The following PDGFRA variants were observed in gnomAD, a reference collection of about 807,000 sequenced individuals.
PDGFRA encodes the protein platelet derived growth factor receptor alpha.
In PDGFRA, 25 loss-of-function variants were observed where a neutral mutation model predicts 121.5. The ratio of observed to expected loss-of-function variants is 0.21; its 90% CI spans 0.15 to 0.29. The LOEUF (loss-of-function observed/expected upper bound fraction) is 0.29, where lower values mean the gene tolerates loss of function less well. Among genes scored for constraint, PDGFRA ranks in the 10% least tolerant of loss-of-function variants. The pLI is 1.00. For synonymous variants in PDGFRA, 463 were observed against 494.8 expected, an observed-to-expected ratio of 0.94 and a Z score of 0.85; for missense variants, 1,008 against 1,345.1, an observed-to-expected ratio of 0.75 and a Z score of 3.92.
chr4:54,289,173 C>A, intron 21 of PDGFRA, 59 bp downstream of exon 21: 1 of 968,328 alleles, frequency 1.0e-6, no homozygotes, highest in Non-Finnish European at 1.7e-6. Flanking sequence ...TACCAGTGAG[C>A]TGTGCTGTTC....
chr4:54,275,016 G>T, intron 12 of PDGFRA, 43 bp downstream of exon 12: 1 of 1,609,158 alleles, frequency 6.2e-7, no homozygotes, highest in South Asian at 1.1e-5. Flanking sequence ...CTTTTCCCTT[G>T]CACACAACTT....
intron 1 of PDGFRA, among the ~76,000 whole-genome samples, chr4:54,241,514 A>AATTTATTTATTTATTTATTT (rs34623203): frequency 6.7e-6 from 1 of 148,380 alleles, no homozygotes; most frequent in African/African-American, 2.5e-5. Context: ...ACTGAAAGGA[A>AATTTATTTATTTATTTATTT]ATTTATTTAT....
intron 3 of PDGFRA, among the ~76,000 whole-genome samples, chr4:54,262,770 C>T (rs1235954461): frequency 3.3e-5 from 5 of 152,156 alleles, no homozygotes; most frequent in African/African-American, 4.8e-5. Context: ...GGAAAATCCT[C>T]TAGGTGTGGA....
At chr4:54,290,251 C>G in intron 21 of PDGFRA, 62 bp from the exon 22 acceptor site, 1 of 1,307,970 alleles carries the variant, frequency 7.6e-7, no homozygotes, top group Non-Finnish European at 1.1e-6. Flanking sequence ...CTGAGTGTCT[C>G]TATTCATTTT....
Position 54,296,312 on chromosome 4 carries a change from T to A in PDGFRA, c.*1040T>A, listed in dbSNP as rs1036089778. ...AACCTGTGCTGAACATAACTTCTCA[T>A]GTATATTACCCAATGGAAAATATAA... is the stretch of plus-strand genomic sequence containing the variant. On this transcript the variant is annotated 3_prime_UTR_variant, in exon 23 of 23. Coordinates refer to ENST00000257290, the MANE Select transcript of PDGFRA (RefSeq NM_006206.6). 8.6e-6 allele frequency: 2 copies of A among 232,604 alleles called. No individual in the cohort carries two copies. The highest frequency in any genetic ancestry group is 4.4e-5 in the African/African-American group (2 of 45,258). The allele number at this position is 232,604 out of a possible 1,614,324, so 14.4% of individuals were successfully genotyped here.
chr4:54,261,318 G>A lies in PDGFRA; in HGVS notation c.273G>A (p.Ser91=), dbSNP rs112372833. Residue 91 remains serine (S), a synonymous_variant, in exon 3 of 23, where the codon TCG becomes TCA. Coordinates refer to ENST00000257290, the MANE Select transcript of PDGFRA (RefSeq NM_006206.6). ...CGGTCTTGGAAGTGAGCAGTGCCTC[G>A]GCGGCCCACACAGGGTTGTACACTT... The part of the protein sequence containing the change: ...FVTVLEVSSA[S]AAHTGLYTCY... 90 of 1,613,942 alleles carry A rather than the reference G, an allele frequency of 5.6e-5. 1 individual carries two copies. The highest frequency in any genetic ancestry group is 3.9e-4 in the African/African-American group (29 of 74,966).
rs11729812 is a variant in PDGFRA, at chr4:54,267,793, G to A, written c.1121+52G>A. The A allele has an allele frequency of 9.2e-3, 13,491 of 1,468,144 alleles. 81 individuals carry two copies. The highest frequency in any genetic ancestry group is 0.011 in the Non-Finnish European group (11,155 of 1,051,318). The allele number at this position is 1,468,144 out of a possible 1,614,324, so 90.9% of individuals were successfully genotyped here. On this transcript the variant is annotated intron_variant, in intron 7 of 22. Transcript: ENST00000257290. ...CCTTTTTTTAGTGTGCATCAGAGGC[G>A]GACTGAGGTTTGTGTGTGTCTTACA...
At chr4:54,264,106 AAAGGCC>A in intron 4 of PDGFRA, 179 bp downstream of exon 4, 2 of 622,230 alleles carry the variant, frequency 3.2e-6, no homozygotes, top group Middle Eastern at 4.3e-4. Context: ...TAAAATTACT[AAAGGCC>A]AAAGCTTGAT....
chr4:54,278,102 A>C, intron 14 of PDGFRA, 96 bp downstream of exon 14: 1 of 806,982 alleles, frequency 1.2e-6, no homozygotes, highest in Admixed American at 1.9e-5. Flanking sequence ...CCATCCCCAC[A>C]CATGGCAGGG....
At chr4:54,233,869 A>C (rs1171448311) in intron 1 of PDGFRA, among the ~76,000 whole-genome samples, 1 of 152,176 alleles carries the variant, frequency 6.6e-6, no homozygotes, top group Non-Finnish European at 1.5e-5. Flanking sequence ...GTTATTGTGC[A>C]ACGGTAACAG....
At chr4:54,287,223 A>G (rs1438465824) in intron 18 of PDGFRA, among the ~76,000 whole-genome samples, 1 of 152,218 alleles carries the variant, frequency 6.6e-6, no homozygotes, top group East Asian at 1.9e-4. Flanking sequence ...TTGACCATTC[A>G]TCATTCATCT....
chr4:54,281,633 G>GTGGTC, intron 16 of PDGFRA: 1 of 1,359,760 alleles, frequency 7.4e-7, no homozygotes, highest in Admixed American at 2.2e-5. Context: ...GTCATGCTCA[G>GTGGTC]GCCCAAGCCC....
chr4:54,258,503 T>C (rs1722494936), intron 1 of PDGFRA, among the ~76,000 whole-genome samples: 1 of 152,120 alleles, frequency 6.6e-6, no homozygotes, highest in Non-Finnish European at 1.5e-5. Context: ...TATAAATGGT[T>C]TAAAGGACCA....
chr4:54,277,157 G>A lies in PDGFRA; in HGVS notation c.1787-231G>A, dbSNP rs143788311. The A allele has an allele frequency of 3.1e-4, 176 of 562,582 alleles. 1 individual carries two copies. The East Asian group carries it at 5.3e-3, about 17-fold the overall frequency. The allele number at this position is 562,582 out of a possible 1,614,324, so 34.8% of individuals were successfully genotyped here. A position where few individuals can be genotyped will look rare whatever the true frequency, so the allele number is the denominator to read the frequency against. ...GGAGGGCTGCACCCTCCTTTCTCCC[G>A]TCTGTGTTTTCTTTCCCTTGCAAGT... On this transcript the variant is annotated intron_variant, in intron 12 of 22. Transcript: ENST00000257290.
Position 54,272,377 on chromosome 4 carries a change from C to A in PDGFRA, c.1238-17C>A. 6.2e-7 allele frequency: 1 copy of A among 1,613,888 alleles called. No individual in the cohort carries two copies. Among genetic ancestry groups the A allele is most frequent in the Non-Finnish European group, 8.5e-7 (1 of 1,179,922 alleles). ...GACACGAGCTATTCCATTCTGACTT[C>A]TTTCTGCCTCTTGCAGTTCCTTCAT... On this transcript the variant is annotated splice_polypyrimidine_tract_variant and intron_variant, in intron 8 of 22. Coordinates refer to ENST00000257290, the MANE Select transcript of PDGFRA (RefSeq NM_006206.6).
At chr4:54,264,383 A>G (rs1722920303) in intron 4 of PDGFRA, 2 of 250,180 alleles carry the variant, frequency 8.0e-6, no homozygotes, top group South Asian at 1.1e-4. Flanking sequence ...GTCAACAGAT[A>G]TTTCCTGAAC....
chr4:54,253,724 G>C (rs1260171264), intron 1 of PDGFRA, among the ~76,000 whole-genome samples: 2 of 152,050 alleles, frequency 1.3e-5, no homozygotes, highest in Non-Finnish European at 2.9e-5. Flanking sequence ...TTGCTCTGTT[G>C]CCCAGGCTGG....
chr4:54,285,567 T>A, intron 17 of PDGFRA, 81 bp downstream of exon 17: 1 of 784,766 alleles, frequency 1.3e-6, no homozygotes, highest in Non-Finnish European at 2.3e-6. Flanking sequence ...AGATAGATGT[T>A]GGAAAGGCCA....
At chr4:54,261,001 G>A in intron 2 of PDGFRA, 94 bp from the exon 3 acceptor site, 2 of 1,122,936 alleles carry the variant, frequency 1.8e-6, no homozygotes, top group South Asian at 1.3e-5. Context: ...AATGGTCATT[G>A]TTCATCTAAG....
Sources: allele counts gnomAD v4.1 joint callset (sites outside exome capture counted in the v4.1 genomes callset), GRCh38; gene constraint gnomAD v4.1.1; transcripts MANE v1.5; gene names NCBI Gene and HGNC (gene_info 2026-07-23, HGNC 2026-07-21).